The following H2AZ2 variants were observed in gnomAD, a reference collection of about 807,000 sequenced individuals.
H2AZ2 encodes the protein H2A.Z variant histone 2, also known as histone H2A.V.
Under a neutral mutation model 15.5 loss-of-function variants are expected in H2AZ2, and 5 were observed. The ratio of observed to expected loss-of-function variants is 0.32; its 90% CI spans 0.17 to 0.68. The LOEUF is 0.68. Among genes scored for constraint, H2AZ2 ranks in the 30% least tolerant of loss-of-function variants. The probability of loss-of-function intolerance (pLI) is 0.72; values close to 1 mark genes in which losing one functional copy is unlikely to be tolerated. For missense variants in H2AZ2, 42 were observed against 162.5 expected (o/e 0.26, Z 4.03); for synonymous variants, 44 against 57.4 (o/e 0.77, Z 1.05).
intron 3 of H2AZ2, among the ~76,000 whole-genome samples, chr7:44,836,993 C>G (rs940147540): frequency 2.0e-5 from 3 of 148,078 alleles, no homozygotes; most frequent in Non-Finnish European, 4.5e-5. Context: ...GAGACTCTGT[C>G]TCGAAAAGAA....
rs1287959185 is a variant in H2AZ2 at position 44,833,234 on chromosome 7, CTTTT to C, written c.*1263_*1266del. 2.0e-5 allele frequency among the ~76,000 whole-genome samples: 3 copies of C among 151,326 alleles called. No individual in the cohort carries two copies. The highest frequency in any genetic ancestry group is 6.6e-5 in the Admixed American group (1 of 15,160). ...CTAATTTCTGTATTTTTAGTAGAGA[CTTTT>C]TTTTGTTTGTTTTGAGAGGGAGTCT... On this transcript the variant is annotated 3_prime_UTR_variant, in exon 5 of 5. Transcript: ENST00000308153.
At chr7:44,839,243 G>A (rs1793208999) in intron 3 of H2AZ2, among the ~76,000 whole-genome samples, 1 of 152,030 alleles carries the variant, frequency 6.6e-6, no homozygotes, top group African/African-American at 2.4e-5. Flanking sequence ...CACAAATACT[G>A]TCTACTGATT....
At chr7:44,837,255 A>C (rs1228311943) in intron 3 of H2AZ2, among the ~76,000 whole-genome samples, 1 of 151,138 alleles carries the variant, frequency 6.6e-6, no homozygotes, top group African/African-American at 2.4e-5. Flanking sequence ...TCAACTGCTG[A>C]ACTTTAAAAA....
chr7:44,839,730 C>T (rs117833461), intron 3 of H2AZ2, among the ~76,000 whole-genome samples: 7,290 of 151,786 alleles, frequency 0.048, 238 homozygotes, highest in Admixed American at 0.075. Flanking sequence ...GCACCCAGCG[C>T]AGTGGCTCAC....
intron 3 of H2AZ2, among the ~76,000 whole-genome samples, chr7:44,838,175 A>G (rs191287820): frequency 2.6e-5 from 4 of 151,630 alleles, no homozygotes; most frequent in African/African-American, 9.7e-5. Flanking sequence ...GGGTTTCACT[A>G]TGTTGGCCAG....
rs1793041213 is a variant in H2AZ2, at chr7:44,833,415, T to A, written c.*1086A>T. Among the ~76,000 whole-genome samples, 1 of 152,098 alleles carries A rather than the reference T, an allele frequency of 6.6e-6. No homozygotes were observed. Among genetic ancestry groups the A allele is most frequent in the Non-Finnish European group, 1.5e-5 (1 of 68,024 alleles). ...ACCCGGCTAATTTTTTGTATTTTTT[T>A]AAATAGAGACGGGGTTTCACCATGT... On this transcript the variant is annotated 3_prime_UTR_variant, in exon 5 of 5. Transcript: ENST00000308153.
At chr7:44,838,994 G>T (rs965800295) in intron 3 of H2AZ2, among the ~76,000 whole-genome samples, 1 of 152,110 alleles carries the variant, frequency 6.6e-6, no homozygotes, top group Non-Finnish European at 1.5e-5. Context: ...TTTAAAGGAG[G>T]AATAGGGATG....
chr7:44,846,241 T>A (rs1199585755), intron 1 of H2AZ2, among the ~76,000 whole-genome samples: 1 of 152,170 alleles, frequency 6.6e-6, no homozygotes, highest in African/African-American at 2.4e-5. Flanking sequence ...ATTTTTAGCT[T>A]ATGTTAATAC....
intron 1 of H2AZ2, among the ~76,000 whole-genome samples, chr7:44,844,717 C>T (rs779984648): frequency 1.3e-5 from 2 of 152,080 alleles, no homozygotes; most frequent in East Asian, 3.9e-4. Flanking sequence ...AGGCAGAAGG[C>T]AGTGATGGTT....
intron 2 of H2AZ2, among the ~76,000 whole-genome samples, 188 bp from the exon 3 acceptor site, chr7:44,841,200 T>C (rs2117038513): frequency 6.6e-6 from 1 of 152,298 alleles, no homozygotes; most frequent in South Asian, 2.1e-4. Flanking sequence ...CCAAAATCTT[T>C]AACCTCTGCA....
intron 1 of H2AZ2, among the ~76,000 whole-genome samples, chr7:44,844,929 A>G (rs2331171): frequency 0.75 from 113,366 of 152,028 alleles, 45,149 homozygotes; most frequent in Non-Finnish European, 0.9. Context: ...GAAATACTAA[A>G]GGTCTGACTT....
downstream of H2AZ2, chr7:44,830,014 G>T: frequency 1.4e-6 from 1 of 734,846 alleles, no homozygotes; most frequent in Non-Finnish European, 2.3e-6. Flanking sequence ...TCACGTATCT[G>T]AGAAGCAAAT....
Position 44,841,007 on chromosome 7 carries a change from A to G in H2AZ2, c.87T>C (p.Pro29=), listed in dbSNP as rs755190543. The part of the protein sequence containing the change: ...SRSQRAGLQF[P]VGRIHRHLKT... ...TCAAGTGTCTGTGGATGCGGCCCAC[A>G]GGAAACTAAAAGAGAGATGTCTTAG... is the stretch of plus-strand genomic sequence containing the variant. Residue 29 remains proline (P), a synonymous_variant, in exon 3 of 5, where the codon CCT becomes CCC. Coordinates refer to ENST00000308153, the MANE Select transcript of H2AZ2 (RefSeq NM_012412.5). The G allele has an allele frequency of 4.1e-5, 66 of 1,613,170 alleles. No individual in the cohort carries two copies. Among genetic ancestry groups the G allele is most frequent in the Non-Finnish European group, 5.4e-5 (64 of 1,179,268 alleles).
chr7:44,845,861 ATAAT>A (rs1169205922), intron 1 of H2AZ2, among the ~76,000 whole-genome samples: 3 of 152,188 alleles, frequency 2.0e-5, no homozygotes, highest in South Asian at 2.1e-4. Flanking sequence ...CAATAAATGG[ATAAT>A]TACTTTCTTT....
intron 1 of H2AZ2, among the ~76,000 whole-genome samples, chr7:44,846,094 A>G (rs1016594810): frequency 7.2e-6 from 1 of 139,706 alleles, no homozygotes; most frequent in African/African-American, 2.5e-5. Context: ...GAGAGGAGGA[A>G]GTAGGAGTTC....
intron 4 of H2AZ2, chr7:44,835,304 T>C (rs567558683): frequency 6.9e-6 from 3 of 436,620 alleles, no homozygotes; most frequent in African/African-American, 2.0e-5. Flanking sequence ...ATATGAAATT[T>C]AGACAAAGAA....
At chr7:44,837,486 C>G (rs961241695) in intron 3 of H2AZ2, among the ~76,000 whole-genome samples, 4 of 134,612 alleles carry the variant, frequency 3.0e-5, no homozygotes, top group Non-Finnish European at 4.7e-5. Context: ...ATTGTCCAAT[C>G]TTAACCTAAA....
At chr7:44,839,740 C>T (rs1583716783) in intron 3 of H2AZ2, among the ~76,000 whole-genome samples, 2 of 151,828 alleles carry the variant, frequency 1.3e-5, no homozygotes, top group Admixed American at 6.6e-5. Flanking sequence ...CAGTGGCTCA[C>T]ACCTGTAGTC....
intron 2 of H2AZ2, 74 bp downstream of exon 2, chr7:44,843,203 T>C: frequency 6.5e-6 from 5 of 771,458 alleles, no homozygotes; most frequent in Admixed American, 2.9e-5. Flanking sequence ...TAGATTTTTG[T>C]AATTGATGAA....
Sources: gnomAD v4.1 joint callset for allele counts (sites outside exome capture counted in the v4.1 genomes callset) on GRCh38, gnomAD v4.1.1 for gene constraint, MANE v1.5 for transcripts, NCBI Gene and HGNC (gene_info 2026-07-23, HGNC 2026-07-21) for gene names.